EIF2B3: variants seen among roughly 807,000 people sequenced by gnomAD.
EIF2B3 encodes eukaryotic translation initiation factor 2B subunit gamma, also known as translation initiation factor eIF2B subunit gamma.
In EIF2B3, 20 loss-of-function variants were observed where a neutral mutation model predicts 54.1. The observed-to-expected ratio is 0.37, with a 90% confidence interval of 0.26 to 0.54. The LOEUF is 0.54. Ranked by LOEUF, EIF2B3 falls within the 20% of genes least tolerant of loss-of-function variation. The probability of loss-of-function intolerance (pLI) is 0.86; values close to 1 mark genes in which losing one functional copy is unlikely to be tolerated. For synonymous variants in EIF2B3, 153 were observed against 188.1 expected (o/e 0.81, Z 1.52); for missense variants, 448 against 547.8 (o/e 0.82, Z 1.82).
In EIF2B3 at chr1:44,964,173, C is replaced by A. The variant is rs114911482; in HGVS notation, c.294+14142G>T. ...GACTCCAAAATTTTTATATCCAACT[C>A]GTTTCTGCCAGTAATGTTGGGCTTT... is the stretch of plus-strand genomic sequence containing the variant. On this transcript the variant is annotated intron_variant, in intron 3 of 11. Transcript: ENST00000360403. 6.0e-5 allele frequency among the ~76,000 whole-genome samples: 9 copies of A among 150,736 alleles called. No homozygotes were observed. The South Asian group carries it at 1.9e-3, about 32-fold the overall frequency.
intron 1 of EIF2B3, among the ~76,000 whole-genome samples, chr1:44,986,167 T>A (rs1569906685): frequency 6.9e-6 from 1 of 144,236 alleles, no homozygotes; most frequent in Non-Finnish European, 1.5e-5. Context: ...AAACGGAGAG[T>A]CTCACTATGT....
chr1:44,958,109 G>A (rs1644247164), intron 3 of EIF2B3, among the ~76,000 whole-genome samples: 1 of 152,104 alleles, frequency 6.6e-6, no homozygotes, highest in Admixed American at 6.6e-5. Flanking sequence ...TTTCCATTTT[G>A]GTGGGCCGGT....
chr1:44,948,245 C>G (rs1470684170), intron 3 of EIF2B3, among the ~76,000 whole-genome samples: 1 of 152,170 alleles, frequency 6.6e-6, no homozygotes, highest in Non-Finnish European at 1.5e-5. Flanking sequence ...TTACTATATT[C>G]CTTAGTTTAA....
At chr1:44,961,796 A>T (rs1415242644) in intron 3 of EIF2B3, among the ~76,000 whole-genome samples, 4 of 152,244 alleles carry the variant, frequency 2.6e-5, no homozygotes, top group African/African-American at 9.6e-5. Context: ...TTCCAAGGTC[A>T]CATAGCTAGT....
intron 10 of EIF2B3, among the ~76,000 whole-genome samples, chr1:44,869,277 T>C (rs1329689594): frequency 6.6e-6 from 1 of 151,974 alleles, no homozygotes. Context: ...CAGGAGTTCG[T>C]AACTAACCTG....
Position 44,920,067 on chromosome 1 carries a change from C to A in EIF2B3, c.566+6561G>T, listed in dbSNP as rs1410710668. Among the ~76,000 whole-genome samples, 11 of 150,066 alleles carry A rather than the reference C, an allele frequency of 7.3e-5. No homozygotes were observed. In the East Asian group the frequency reaches 2.2e-3, roughly 29 times the overall value. ...TTTTTTTTTTTCGAGCAGAGTCTCC[C>A]TCTGTCGTTCAGGCTGGAGTGCAAT... On this transcript the variant is annotated intron_variant, in intron 5 of 11. Transcript: ENST00000360403.
intron 8 of EIF2B3, 104 bp downstream of exon 8, chr1:44,879,714 C>T: frequency 2.2e-6 from 3 of 1,342,926 alleles, no homozygotes; most frequent in South Asian, 2.4e-5. Context: ...TTGGGAATGA[C>T]AGGGATTCTT....
chr1:44,872,423 A>C (rs1288120366), intron 10 of EIF2B3, among the ~76,000 whole-genome samples: 1 of 151,694 alleles, frequency 6.6e-6, no homozygotes, highest in Non-Finnish European at 1.5e-5. Context: ...AGGTGGGAGG[A>C]CTGCTTGAGG....
chr1:44,976,013 A>G (rs930611367), intron 3 of EIF2B3, among the ~76,000 whole-genome samples: 5 of 152,082 alleles, frequency 3.3e-5, no homozygotes, highest in African/African-American at 1.2e-4. Flanking sequence ...ATACAAAACA[A>G]AGACAAAACC....
At chr1:44,937,715 C>G (rs1643964680) in intron 4 of EIF2B3, among the ~76,000 whole-genome samples, 1 of 151,628 alleles carries the variant, frequency 6.6e-6, no homozygotes, top group African/African-American at 2.4e-5. Flanking sequence ...AACCCCGTCT[C>G]TACTAAAAAA....
chr1:44,852,349 A>G (rs1654298645), intron 11 of EIF2B3, among the ~76,000 whole-genome samples: 1 of 151,924 alleles, frequency 6.6e-6, no homozygotes. Context: ...TTACTACCCT[A>G]TGTGCCCTAA....
At chr1:44,962,148 C>T (rs948953585) in intron 3 of EIF2B3, among the ~76,000 whole-genome samples, 6 of 151,988 alleles carry the variant, frequency 3.9e-5, no homozygotes, top group African/African-American at 9.7e-5. Context: ...GCTGAGACTG[C>T]GCCACTGCAC....
Position 44,881,873 on chromosome 1 carries a change from G to T in EIF2B3, c.657-134C>A. The T allele has an allele frequency of 8.0e-7, 1 of 1,246,068 alleles. No homozygotes were observed. The highest frequency in any genetic ancestry group is 1.1e-6 in the Non-Finnish European group (1 of 880,184). 77.2% of individuals were successfully genotyped at this position (1,246,068 alleles called of 1,614,324 possible). On this transcript the variant is annotated intron_variant, in intron 6 of 11. Transcript: ENST00000360403. The surrounding 1 kb of genome is among the most constrained non-coding windows in gnomAD (Gnocchi z 4.0). ...CTTGGGACTGTCAGAGATCAAATGT[G>T]GCATTGACTTGGCAGTTCGGAGAAG...
chr1:44,958,950 G>A (rs942930759), intron 3 of EIF2B3: 21 of 780,004 alleles, frequency 2.7e-5, no homozygotes, highest in Admixed American at 9.4e-5. Context: ...AATACAAAGC[G>A]AGGATGTAGA....
intron 6 of EIF2B3, among the ~76,000 whole-genome samples, chr1:44,883,164 C>T (rs1345486566): frequency 6.6e-6 from 1 of 151,500 alleles, no homozygotes; most frequent in Non-Finnish European, 1.5e-5. Context: ...TCTTGAACTC[C>T]TGACCTCAGG....
intron 3 of EIF2B3, among the ~76,000 whole-genome samples, chr1:44,975,319 A>G (rs552697998): frequency 1.3e-5 from 2 of 152,314 alleles, no homozygotes; most frequent in Non-Finnish European, 2.9e-5. Flanking sequence ...TGACAGCGAT[A>G]TGTTCTGAGA....
intron 11 of EIF2B3, among the ~76,000 whole-genome samples, chr1:44,853,996 TTTTTTTTTTTG>T (rs1000077297): frequency 1.4e-4 from 14 of 101,078 alleles, no homozygotes; most frequent in Non-Finnish European, 2.2e-4. Flanking sequence ...CAGTTAGTGT[TTTTTTTTTTTG>T]TTTTTTTTTT....
chr1:44,881,140 G>T lies in EIF2B3; in HGVS notation c.784+472C>A, dbSNP rs923226605. Among the ~76,000 whole-genome samples the T allele has an allele frequency of 6.6e-6, 1 of 152,156 alleles. No homozygotes were observed. Among genetic ancestry groups the T allele is most frequent in the Non-Finnish European group, 1.5e-5 (1 of 68,030 alleles). On this transcript the variant is annotated intron_variant, in intron 7 of 11. Transcript: ENST00000360403. The surrounding 1 kb of genome is among the most constrained non-coding windows in gnomAD (Gnocchi z 4.0). ...GTCCACGACTGGGCCGGGGATTAGG[G>T]ATATGACAGCAAACAAGACAGATCC...
intron 10 of EIF2B3, among the ~76,000 whole-genome samples, chr1:44,873,647 AT>A (rs1005119174): frequency 4.7e-5 from 7 of 148,228 alleles, no homozygotes; most frequent in Non-Finnish European, 6.0e-5. Context: ...TTATTTATTT[AT>A]TTTTTTTTTT....
Sources: allele counts gnomAD v4.1 joint callset (sites outside exome capture counted in the v4.1 genomes callset), GRCh38; gene constraint gnomAD v4.1.1; non-coding constraint Gnocchi (gnomAD v3.1); transcripts MANE v1.5; gene names NCBI Gene and HGNC (gene_info 2026-07-23, HGNC 2026-07-21).